The following NLGN1 variants were observed in gnomAD, a reference collection of about 807,000 sequenced individuals.
NLGN1 encodes the protein neuroligin 1.
A neutral mutation model predicts 65.5 loss-of-function variants in NLGN1; 12 were observed. The ratio of observed to expected loss-of-function variants is 0.18; its 90% CI spans 0.12 to 0.30. The LOEUF (loss-of-function observed/expected upper bound fraction) is 0.30, where lower values mean the gene tolerates loss of function less well. Among genes scored for constraint, NLGN1 ranks in the 10% least tolerant of loss-of-function variants. The pLI is 1.00. For missense variants in NLGN1, 750 were observed against 1,007.1 expected (o/e 0.74, Z 3.46); for synonymous variants, 350 against 359.5 (o/e 0.97, Z 0.30).
intron 3 of NLGN1, among the ~76,000 whole-genome samples, chr3:173,678,269 GA>G (rs1763446008): frequency 6.6e-6 from 1 of 152,072 alleles, no homozygotes; most frequent in Non-Finnish European, 1.5e-5. Flanking sequence ...AGACTAAGAT[GA>G]ATATGGCATG....
chr3:174,168,800 T>C (rs73035623), intron 4 of NLGN1, among the ~76,000 whole-genome samples: 25,961 of 152,050 alleles, frequency 0.17, 4,571 homozygotes, highest in African/African-American at 0.45. Context: ...AGGCATAGTA[T>C]TAGCACCAAG....
At chr3:173,913,885 G>A (rs906863278) in intron 4 of NLGN1, among the ~76,000 whole-genome samples, 1 of 152,092 alleles carries the variant, frequency 6.6e-6, no homozygotes, top group Non-Finnish European at 1.5e-5. Flanking sequence ...CATCTTGTTG[G>A]TCTTCATGGA....
chr3:173,461,077 G>A (rs1723293229), intron 2 of NLGN1, among the ~76,000 whole-genome samples: 1 of 152,080 alleles, frequency 6.6e-6, no homozygotes, highest in African/African-American at 2.4e-5. Flanking sequence ...GAGCACCAGG[G>A]CGGTCTATTA....
intron 4 of NLGN1, among the ~76,000 whole-genome samples, chr3:174,031,194 C>T (rs1397715252): frequency 1.3e-5 from 2 of 152,132 alleles, no homozygotes; most frequent in Non-Finnish European, 2.9e-5. Context: ...ACAACCAGGG[C>T]CAACTCTCCA....
At chr3:173,540,221 C>T (rs939846769) in intron 2 of NLGN1, among the ~76,000 whole-genome samples, 2 of 152,106 alleles carry the variant, frequency 1.3e-5, no homozygotes, top group Admixed American at 1.3e-4. Flanking sequence ...AACCAGCATC[C>T]CTGTCTGCCA....
chr3:173,689,338 G>A lies in NLGN1; in HGVS notation c.493+84247G>A, dbSNP rs1448921413. Among the ~76,000 whole-genome samples the A allele has an allele frequency of 2.0e-5, 3 of 152,196 alleles. No individual in the cohort carries two copies. In the South Asian group the frequency reaches 6.2e-4, roughly 32 times the overall value. ...GGTATCTTGTAAGGAGGCTTCCCCTGGGAAGTTACAGAGACTTGGGTAATG... is the reference window on the plus strand; with the variant it reads ...GGTATCTTGTAAGGAGGCTTCCCCTAGGAAGTTACAGAGACTTGGGTAATG... On this transcript the variant is annotated intron_variant, in intron 3 of 6. Coordinates refer to ENST00000457714, the Ensembl canonical transcript of NLGN1.
intron 4 of NLGN1, among the ~76,000 whole-genome samples, chr3:173,953,345 A>G (rs972498605): frequency 6.6e-6 from 1 of 152,084 alleles, no homozygotes; most frequent in African/African-American, 2.4e-5. Flanking sequence ...AAAAAATAAT[A>G]CTTATTGATT....
chr3:173,499,454 G>T (rs1182473331), intron 2 of NLGN1, among the ~76,000 whole-genome samples: 1 of 151,832 alleles, frequency 6.6e-6, no homozygotes. Context: ...TTTGGTTACT[G>T]TAGCCTTGTA....
intron 3 of NLGN1, among the ~76,000 whole-genome samples, chr3:173,624,189 T>C (rs1754465990): frequency 6.6e-6 from 1 of 152,160 alleles, no homozygotes; most frequent in Non-Finnish European, 1.5e-5. Flanking sequence ...TTGTGTGAGA[T>C]GAAGGTTTGG....
intron 3 of NLGN1, among the ~76,000 whole-genome samples, chr3:173,807,231 A>T (rs1374373222): frequency 6.6e-6 from 1 of 152,186 alleles, no homozygotes; most frequent in African/African-American, 2.4e-5. Context: ...AAAGTTTTAC[A>T]GTACATAAGA....
chr3:174,292,596 T>G, the NLGN1 span, among the ~76,000 whole-genome samples: 3 of 151,426 alleles, frequency 2.0e-5, no homozygotes, highest in African/African-American at 7.3e-5. Context: ...AAAAGAACAG[T>G]TAAATATTTT....
At chr3:174,053,870 T>A (rs1008975636) in intron 4 of NLGN1, among the ~76,000 whole-genome samples, 1 of 152,014 alleles carries the variant, frequency 6.6e-6, no homozygotes, top group African/African-American at 2.4e-5. Context: ...TTTGCTTATA[T>A]TGAATATATT....
intron 4 of NLGN1, among the ~76,000 whole-genome samples, chr3:173,808,622 A>G (rs527635758): frequency 2.0e-5 from 3 of 152,140 alleles, no homozygotes; most frequent in Non-Finnish European, 4.4e-5. Context: ...TGATTTAGTA[A>G]AACATCTTTA....
chr3:173,784,523 C>A (rs549870007), intron 3 of NLGN1, among the ~76,000 whole-genome samples: 1 of 152,044 alleles, frequency 6.6e-6, no homozygotes, highest in African/African-American at 2.4e-5. Context: ...GATGCACACA[C>A]ACAGACCGTA....
chr3:173,623,299 A>G (rs1481033391), intron 3 of NLGN1, among the ~76,000 whole-genome samples: 1 of 152,048 alleles, frequency 6.6e-6, no homozygotes, highest in East Asian at 1.9e-4. Context: ...ATTGGAAAAG[A>G]AGTTAGGACA....
At chr3:174,104,524 A>G (rs775988460) in intron 4 of NLGN1, among the ~76,000 whole-genome samples, 14 of 152,172 alleles carry the variant, frequency 9.2e-5, no homozygotes, top group Non-Finnish European at 1.6e-4. Context: ...GTATCTTATA[A>G]TACTTGTTTT....
At chr3:173,437,625 T>G (rs1247014877) in intron 2 of NLGN1, among the ~76,000 whole-genome samples, 1 of 152,182 alleles carries the variant, frequency 6.6e-6, no homozygotes, top group Non-Finnish European at 1.5e-5. Flanking sequence ...TTTCCTCTCA[T>G]TTGACTACCA....
intron 4 of NLGN1, among the ~76,000 whole-genome samples, chr3:173,861,881 C>T (rs2150807487): frequency 6.6e-6 from 1 of 151,610 alleles, no homozygotes; most frequent in African/African-American, 2.4e-5. Flanking sequence ...GCCTCAGCCT[C>T]CCGAGTAGCT....
At chr3:173,982,638 G>T (rs1719012552) in intron 4 of NLGN1, among the ~76,000 whole-genome samples, 1 of 152,108 alleles carries the variant, frequency 6.6e-6, no homozygotes, top group Admixed American at 6.6e-5. Flanking sequence ...TGGATTGATG[G>T]TCACAGCTAA....
Sources: gnomAD v4.1 joint callset for allele counts (sites outside exome capture counted in the v4.1 genomes callset) on GRCh38, gnomAD v4.1.1 for gene constraint, MANE v1.5 for transcripts, NCBI Gene and HGNC (gene_info 2026-07-23, HGNC 2026-07-21) for gene names.